The following MAPK8IP2 variants were observed in gnomAD, a reference collection of about 807,000 sequenced individuals.
MAPK8IP2 encodes the protein C-Jun-amino-terminal kinase-interacting protein 2.
MAPK8IP2 carries 15 observed loss-of-function variants against 75.6 expected under a neutral mutation model. The ratio of observed to expected loss-of-function variants is 0.20; its 90% CI spans 0.13 to 0.31. The LOEUF (loss-of-function observed/expected upper bound fraction) is 0.31, where lower values mean the gene tolerates loss of function less well. Ranked by LOEUF, MAPK8IP2 falls within the 10% of genes least tolerant of loss-of-function variation. MAPK8IP2 has a pLI of 1.00. For synonymous variants in MAPK8IP2, 632 were observed against 554.5 expected, an observed-to-expected ratio of 1.14 and a Z score of -1.96; for missense variants, 1,089 against 1,211.2, an observed-to-expected ratio of 0.90 and a Z score of 1.50.
chr22:50,605,097 C>T (rs754330640), intron 5 of MAPK8IP2, 33 bp downstream of exon 5: 1 of 1,610,058 alleles, frequency 6.2e-7, no homozygotes, highest in East Asian at 2.2e-5. Context: ...GGGGGTGGCC[C>T]AGAGGAAGGT....
In MAPK8IP2 at chr22:50,605,694, C is replaced by T. The variant is rs1332438042; in HGVS notation, c.1974C>T (p.Phe658=). The T allele has an allele frequency of 4.3e-6, 7 of 1,612,052 alleles. No homozygotes were observed. Among genetic ancestry groups the T allele is most frequent in the Non-Finnish European group, 5.9e-6 (7 of 1,179,410 alleles). The change falls in exon 7 of 12, where the codon TTC becomes TTT. Residue 658 remains phenylalanine (F), a synonymous_variant. Transcript: ENST00000329492. ...RTGERGVFPA[F]YAHAVPGPAK... Reference sequence around the variant, plus strand: ...GGGAGCGCGGTGTGTTTCCTGCCTTCTACGCCCATGCGGTGCCCGGCCCTG... The same window carrying T: ...GGGAGCGCGGTGTGTTTCCTGCCTTTTACGCCCATGCGGTGCCCGGCCCTG...
rs2071154814 is a variant in MAPK8IP2, at chr22:50,611,740, C to T, written c.*961C>T. On this transcript the variant is annotated 3_prime_UTR_variant, in exon 12 of 12. Coordinates refer to ENST00000329492, the MANE Select transcript of MAPK8IP2 (RefSeq NM_012324.6). This position sits in a 1 kb window ranked among gnomAD's most constrained non-coding sequence, Gnocchi z 5.5. ...ATCTGAGGTGCCGTATCTAGAAGCACCCTTGGGAATTCTCCCTAGATACAC... is the reference window on the plus strand; with the variant it reads ...ATCTGAGGTGCCGTATCTAGAAGCATCCTTGGGAATTCTCCCTAGATACAC... The T allele has an allele frequency of 6.6e-6, 1 of 152,174 alleles. No homozygotes were observed. The highest frequency in any genetic ancestry group is 2.1e-4 in the South Asian group (1 of 4,828). 9.4% of individuals were successfully genotyped at this position (152,174 alleles called of 1,614,324 possible).
rs1380323836 is a variant in MAPK8IP2, at chr22:50,606,777, G to A, written c.2232+12G>A. 2.5e-6 allele frequency: 4 copies of A among 1,573,024 alleles called. No homozygotes were observed. Among genetic ancestry groups the A allele is most frequent in the Non-Finnish European group, 1.7e-6 (2 of 1,158,800 alleles). On this transcript the variant is annotated intron_variant, in intron 9 of 11. Coordinates refer to ENST00000329492, the MANE Select transcript of MAPK8IP2 (RefSeq NM_012324.6). ...GAGGAGGGCCCGAGGTGGGAGTGTG[G>A]GGGACTGGGGACCGGGGACTGGGGG...
chr22:50,610,219 G>A lies in MAPK8IP2; in HGVS notation c.2311G>A (p.Gly771Ser), dbSNP rs760349327. ...ACACTGACTTGCCCGCAGCTATTTC[G>A]GCTTCATCACCAAACACCCCCTGCT... ...GCHPRNSCYF[G>S]FITKHPLLSR... is the part of the protein sequence containing the mutation. Residue 771 changes from glycine (G) to serine (S), a missense_variant, in exon 11 of 12, where the codon GGC becomes AGC. Physicochemically the swap from Gly to Ser is moderately conservative, Grantham distance 56. Transcript: ENST00000329492. This position sits in a 1 kb window ranked among gnomAD's most constrained non-coding sequence, Gnocchi z 4.3. The A allele has an allele frequency of 1.0e-5, 16 of 1,601,256 alleles. No individual in the cohort carries two copies. The highest frequency in any genetic ancestry group is 1.3e-5 in the African/African-American group (1 of 74,760).
At position 50,604,570 on chromosome 22, in the gene MAPK8IP2, C is replaced by T. The variant is rs928785607; in HGVS notation, c.1271C>T (p.Ala424Val). ...LCAPPPPAPA[A>V]PRPGPAQPGP... ...GCGCCGCCGCCGCCCGCGCCCGCCG[C>T]GCCTCGACCCGGCCCCGCGCAGCCC... Residue 424 changes from alanine (A) to valine (V), a missense_variant, in exon 5 of 12, where the codon GCG (alanine) becomes GTG (valine). Ala to Val is a moderately conservative substitution (Grantham distance 64). This residue lies in a region of MAPK8IP2 where 960 missense variants were observed against 1,009.6 expected (regional missense o/e 0.95). Coordinates refer to ENST00000329492, the MANE Select transcript of MAPK8IP2 (RefSeq NM_012324.6). 2.8e-5 allele frequency: 33 copies of T among 1,194,190 alleles called. No homozygotes were observed. The highest frequency in any genetic ancestry group is 3.8e-5 in the South Asian group (1 of 26,220). 74.0% of individuals were successfully genotyped at this position (1,194,190 alleles called of 1,614,324 possible). A position where few individuals can be genotyped will look rare whatever the true frequency, so the allele number is the denominator to read the frequency against.
intron 2 of MAPK8IP2, 63 bp downstream of exon 2, chr22:50,601,957 C>T (rs978290535): frequency 5.7e-6 from 8 of 1,396,708 alleles, no homozygotes; most frequent in South Asian, 1.2e-5. Context: ...TTCTTCTTAG[C>T]GTTCACTTGG....
Position 50,605,012 on chromosome 22 carries a change from T to G in MAPK8IP2, c.1713T>G (p.Thr571=), listed in dbSNP as rs754281435. 2.5e-6 allele frequency: 4 copies of G among 1,612,388 alleles called. No individual in the cohort carries two copies. In the South Asian group the frequency reaches 4.4e-5, roughly 18 times the overall value. Residue 571 remains threonine (T), a synonymous_variant, in exon 5 of 12, where the codon ACT becomes ACG. Coordinates refer to ENST00000329492, the MANE Select transcript of MAPK8IP2 (RefSeq NM_012324.6). ...GDTSPDSPDL[T]FSKKFLNVFV... The stretch of plus-strand genomic sequence containing the variant: ...CCTCGCCGGACAGCCCTGACCTCAC[T>G]TTCTCCAAGAAGTTCCTCAATGTCT...
chr22:50,605,264 C>G, intron 5 of MAPK8IP2, 104 bp from the exon 6 acceptor site: 5 of 1,187,700 alleles, frequency 4.2e-6, no homozygotes, highest in East Asian at 4.9e-5. Flanking sequence ...ACACCTACAC[C>G]GGACTGTGGA....
Position 50,603,736 on chromosome 22 carries a change from C to T in MAPK8IP2, c.541+17C>T, listed in dbSNP as rs985169519. ...CCCTCAGAGGTGAGGGGTGGTGGGC[C>T]CGCGGGGCGCGGGGAAGCGGGGGAG... is the stretch of plus-strand genomic sequence containing the variant. On this transcript the variant is annotated intron_variant, in intron 4 of 11. Coordinates refer to ENST00000329492, the MANE Select transcript of MAPK8IP2 (RefSeq NM_012324.6). The T allele has an allele frequency of 1.3e-6, 2 of 1,555,054 alleles. No individual in the cohort carries two copies. Among genetic ancestry groups the T allele is most frequent in the East Asian group, 2.4e-5 (1 of 41,280 alleles).
Position 50,604,397 on chromosome 22 carries a change from C to G in MAPK8IP2, c.1098C>G (p.Ile366Met). ...SRMISEGSSP[I>M]RCPGQCLSPA... The stretch of plus-strand genomic sequence containing the variant: ...TGATCTCCGAGGGCTCCTCGCCCAT[C>G]CGCTGCCCCGGCCAGTGCCTGTCTC... Residue 366 changes from isoleucine (I) to methionine (M), a missense_variant, in exon 5 of 12, where the codon ATC (isoleucine) becomes ATG (methionine). Ile to Met is a conservative substitution (Grantham distance 10, BLOSUM62 1). Coordinates refer to ENST00000329492, the MANE Select transcript of MAPK8IP2 (RefSeq NM_012324.6). 6.6e-7 allele frequency: 1 copy of G among 1,521,722 alleles called. No individual in the cohort carries two copies. The highest frequency in any genetic ancestry group is 8.8e-7 in the Non-Finnish European group (1 of 1,140,778). The allele number at this position is 1,521,722 out of a possible 1,614,324, so 94.3% of individuals were successfully genotyped here. A position where few individuals can be genotyped will look rare whatever the true frequency, so the allele number is the denominator to read the frequency against.
chr22:50,600,977 A>G, intron 1 of MAPK8IP2, 94 bp downstream of exon 1: 1 of 196,682 alleles, frequency 5.1e-6, no homozygotes, highest in Non-Finnish European at 6.2e-6. Flanking sequence ...CCGCCGCCCC[A>G]GCCCCGCCGC....
rs1193187831 is a variant in MAPK8IP2 at position 50,604,145 on chromosome 22, C to T, written c.846C>T (p.Gly282=). The T allele has an allele frequency of 3.2e-6, 5 of 1,555,730 alleles. No homozygotes were observed. Among genetic ancestry groups the T allele is most frequent in the East Asian group, 2.4e-5 (1 of 42,002 alleles). Residue 282 remains glycine, a synonymous_variant, in exon 5 of 12, where the codon GGC becomes GGT. Transcript: ENST00000329492. Reference sequence around the variant, plus strand: ...CGGAGCTGGAGCTGAGCAGCGATGGCGGAAGCAGCAGCAGCGGCCGCTCCT... The same window carrying T: ...CGGAGCTGGAGCTGAGCAGCGATGGTGGAAGCAGCAGCAGCGGCCGCTCCT... ...SETELELSSD[G]GSSSSGRSSH...
In MAPK8IP2 at chr22:50,607,943, C is replaced by T. The variant is rs1255784380; in HGVS notation, c.2303+952C>T. On this transcript the variant is annotated intron_variant, in intron 10 of 11. Coordinates refer to ENST00000329492, the MANE Select transcript of MAPK8IP2 (RefSeq NM_012324.6). The surrounding 1 kb of genome is among the most constrained non-coding windows in gnomAD (Gnocchi z 5.6). The stretch of plus-strand genomic sequence containing the variant: ...TTCCCTCCAGGCACAGGCCCCTGCC[C>T]TCTGTGTCCCAGCACCCTAGAGGAA... Among the ~76,000 whole-genome samples the T allele has an allele frequency of 6.6e-6, 1 of 152,172 alleles. No individual in the cohort carries two copies. Among genetic ancestry groups the T allele is most frequent in the Non-Finnish European group, 1.5e-5 (1 of 68,022 alleles).
Position 50,603,727 on chromosome 22 carries a change from G to T in MAPK8IP2, c.541+8G>T, listed in dbSNP as rs757817711. On this transcript the variant is annotated splice_region_variant and intron_variant, in intron 4 of 11. Coordinates refer to ENST00000329492, the MANE Select transcript of MAPK8IP2 (RefSeq NM_012324.6). Reference sequence around the variant, plus strand: ...CCCCGGAGGCCCTCAGAGGTGAGGGGTGGTGGGCCCGCGGGGCGCGGGGAA... The same window carrying T: ...CCCCGGAGGCCCTCAGAGGTGAGGGTTGGTGGGCCCGCGGGGCGCGGGGAA... The T allele has an allele frequency of 6.4e-7, 1 of 1,561,504 alleles. No individual in the cohort carries two copies. Among genetic ancestry groups the T allele is most frequent in the Non-Finnish European group, 8.7e-7 (1 of 1,152,916 alleles).
At chr22:50,601,567 G>A in intron 1 of MAPK8IP2, 2 of 520,684 alleles carry the variant, frequency 3.8e-6, no homozygotes, top group Admixed American at 3.2e-5. Flanking sequence ...AGGGGTGGGG[G>A]CAGGGTTGGC....
chr22:50,605,159 T>G, intron 5 of MAPK8IP2, 95 bp downstream of exon 5: 1 of 1,440,060 alleles, frequency 6.9e-7, no homozygotes, highest in South Asian at 1.2e-5. Context: ...CAGGGCCACC[T>G]GAGGGTCTGG....
Position 50,607,220 on chromosome 22 carries a change from A to G in MAPK8IP2, c.2303+229A>G, listed in dbSNP as rs865789806. 6.1e-4 allele frequency among the ~76,000 whole-genome samples: 93 copies of G among 152,122 alleles called. 2 individuals are homozygous for G. The highest frequency in any genetic ancestry group is 5.9e-4 in the Admixed American group (9 of 15,268). On this transcript the variant is annotated intron_variant, in intron 10 of 11. Transcript: ENST00000329492. This position sits in a 1 kb window ranked among gnomAD's most constrained non-coding sequence, Gnocchi z 5.6. ...ATCCAGTCTGGGTGGAGAGAGGCAC[A>G]CGGGCGAAGGATGTGAGAAGCCTGT...
At chr22:50,602,685 C>T (rs147123279) in intron 2 of MAPK8IP2, among the ~76,000 whole-genome samples, 211 of 152,302 alleles carry the variant, frequency 1.4e-3, no homozygotes, top group African/African-American at 4.6e-3. Flanking sequence ...TGGGGAATAA[C>T]TGTGCCAATG....
intron 8 of MAPK8IP2, among the ~76,000 whole-genome samples, chr22:50,606,380 A>T (rs2334106): frequency 0.19 from 8,377 of 43,340 alleles, 402 homozygotes; most frequent in East Asian, 0.54. Flanking sequence ...AGGGCGGGTG[A>T]GGTCTCTGTT....
Sources: allele counts gnomAD v4.1 joint callset (sites outside exome capture counted in the v4.1 genomes callset), GRCh38; gene constraint gnomAD v4.1.1; regional missense constraint gnomAD v4.1.1; non-coding constraint Gnocchi (gnomAD v3.1); transcripts MANE v1.5; gene names NCBI Gene and HGNC (gene_info 2026-07-23, HGNC 2026-07-21).